FSTL5: variants seen among roughly 807,000 people sequenced by gnomAD.
FSTL5 encodes the protein follistatin like 5, also known as follistatin-related protein 5.
FSTL5 carries 62 observed loss-of-function variants against 89.1 expected under a neutral mutation model. That is an observed-to-expected ratio of 0.70 (90% CI 0.57 to 0.86). FSTL5 has a LOEUF of 0.86. Among genes scored for constraint, FSTL5 ranks in the 40% least tolerant of loss-of-function variants. FSTL5 has a pLI of 0.00. For synonymous variants in FSTL5, 383 were observed against 346.2 expected, an observed-to-expected ratio of 1.11 and a Z score of -1.18; for missense variants, 1,057 against 1,001.6, an observed-to-expected ratio of 1.06 and a Z score of -0.75.
chr4:161,841,713 C>T (rs559690429), intron 4 of FSTL5, among the ~76,000 whole-genome samples: 42 of 152,096 alleles, frequency 2.8e-4, no homozygotes, highest in Non-Finnish European at 5.4e-4. Flanking sequence ...ATTGCTGATC[C>T]TAATTCTTTA....
chr4:161,726,733 T>C (rs541570653), intron 6 of FSTL5, among the ~76,000 whole-genome samples: 1 of 152,150 alleles, frequency 6.6e-6, no homozygotes, highest in African/African-American at 2.4e-5. Flanking sequence ...AAGTACATTA[T>C]TTGAGAATAA....
chr4:162,018,095 CT>C (rs1325350955), intron 3 of FSTL5, among the ~76,000 whole-genome samples: 1 of 152,106 alleles, frequency 6.6e-6, no homozygotes, highest in Admixed American at 6.6e-5. Flanking sequence ...CCAGAATTCC[CT>C]AACAATAGCC....
chr4:161,922,853 A>T (rs1021710192), intron 3 of FSTL5, among the ~76,000 whole-genome samples: 3 of 151,930 alleles, frequency 2.0e-5, no homozygotes, highest in African/African-American at 7.2e-5. Flanking sequence ...TTGATATGGT[A>T]CTGGGCAAGT....
intron 4 of FSTL5, among the ~76,000 whole-genome samples, chr4:161,887,392 C>CATCTATCTATCTATCTATCT (rs60103951): frequency 0.013 from 1,716 of 133,114 alleles, 33 homozygotes; most frequent in African/African-American, 0.036. Flanking sequence ...CTCTATCTAT[C>CATCTATCTATCTATCTATCT]ATCTATCTAT....
chr4:161,794,704 C>G (rs1437598999), intron 4 of FSTL5, among the ~76,000 whole-genome samples: 1 of 152,064 alleles, frequency 6.6e-6, no homozygotes, highest in Admixed American at 6.5e-5. Context: ...AGAATGTGTG[C>G]TCCCCTTCTT....
At chr4:161,745,948 T>G (rs1401592402) in intron 6 of FSTL5, among the ~76,000 whole-genome samples, 1 of 152,202 alleles carries the variant, frequency 6.6e-6, no homozygotes, top group East Asian at 1.9e-4. Context: ...TCTAAGTTTT[T>G]CATCAGTAAA....
rs185153853 is a variant in FSTL5 at position 161,509,249 on chromosome 4, G to A, written c.1339+1149C>T. ...ACCCGAGAGGTGGAGGTTGCAGTGC[G>A]CCGAGATCGCGCCGTTGAACTCCAG... On this transcript the variant is annotated intron_variant, in intron 11 of 15. Transcript: ENST00000306100. 7.2e-5 allele frequency among the ~76,000 whole-genome samples: 11 copies of A among 152,254 alleles called. No individual in the cohort carries two copies. In the East Asian group the frequency reaches 1.4e-3, roughly 19 times the overall value.
At chr4:161,912,809 C>A (rs542283257) in intron 4 of FSTL5, among the ~76,000 whole-genome samples, 2 of 152,080 alleles carry the variant, frequency 1.3e-5, no homozygotes, top group South Asian at 2.1e-4. Context: ...AAACTCCTAG[C>A]GACTTCTTGA....
intron 6 of FSTL5, among the ~76,000 whole-genome samples, chr4:161,716,810 A>C (rs1739002217): frequency 6.6e-6 from 1 of 152,146 alleles, no homozygotes; most frequent in Non-Finnish European, 1.5e-5. Flanking sequence ...ACAGTGACTA[A>C]GGTATAATAT....
intron 8 of FSTL5, among the ~76,000 whole-genome samples, chr4:161,573,589 C>A (rs1418215427): frequency 6.6e-6 from 1 of 150,828 alleles, no homozygotes; most frequent in East Asian, 2.0e-4. Flanking sequence ...CAAAATCAGC[C>A]AGGCATGGTG....
rs369723092 is a variant in FSTL5, at chr4:161,538,254, A to G, written c.1224T>C (p.Thr408=). 39 of 1,613,912 alleles carry G rather than the reference A, an allele frequency of 2.4e-5. No individual in the cohort carries two copies. The African/African-American group carries it at 4.8e-4, about 20-fold the overall frequency. The change falls in exon 10 of 16, where the codon ACT becomes ACC. Residue 408 remains threonine (T), a synonymous_variant. Coordinates refer to ENST00000306100, the MANE Select transcript of FSTL5 (RefSeq NM_020116.5). ...TCTTTGCGATACAAGTGTATGCTCCAGTATCTTCATAGCGCACATTGCTTA... is the reference window on the plus strand; with the variant it reads ...TCTTTGCGATACAAGTGTATGCTCCGGTATCTTCATAGCGCACATTGCTTA... ...VHISNVRYED[T]GAYTCIAKNE... is the part of the protein sequence containing the mutation.
chr4:162,111,370 C>T lies in FSTL5; in HGVS notation c.27G>A (p.Leu9=), dbSNP rs1245416565. The change falls in exon 2 of 16, where the codon TTG becomes TTA. Residue 9 remains leucine, a synonymous_variant. Coordinates refer to ENST00000306100, the MANE Select transcript of FSTL5 (RefSeq NM_020116.5). The part of the protein sequence containing the change: MFKCWSVV[L]VLGFIFLESE... Reference sequence around the variant, plus strand: ...ACTCCAGAAAAATGAATCCGAGAACCAAGACAACTGACCAGCACTTAAACA... The same window carrying T: ...ACTCCAGAAAAATGAATCCGAGAACTAAGACAACTGACCAGCACTTAAACA... The T allele has an allele frequency of 6.2e-7, 1 of 1,612,242 alleles. No homozygotes were observed. The highest frequency in any genetic ancestry group is 1.7e-5 in the Admixed American group (1 of 59,928).
intron 6 of FSTL5, among the ~76,000 whole-genome samples, chr4:161,729,522 T>C (rs1401587173): frequency 3.3e-5 from 5 of 152,190 alleles, no homozygotes; most frequent in Non-Finnish European, 7.3e-5. Flanking sequence ...AGATGGTAAT[T>C]ACCACTTCAT....
chr4:161,682,997 G>A (rs563206569), intron 6 of FSTL5, among the ~76,000 whole-genome samples: 26 of 152,086 alleles, frequency 1.7e-4, no homozygotes, highest in African/African-American at 6.0e-4. Context: ...CACCCACCTC[G>A]GCCTCCCAAT....
At chr4:162,073,568 T>C (rs528681615) in intron 2 of FSTL5, among the ~76,000 whole-genome samples, 1 of 151,910 alleles carries the variant, frequency 6.6e-6, no homozygotes, top group Admixed American at 6.6e-5. Flanking sequence ...TAAGCAGCTA[T>C]ATTTTGAAAA....
chr4:162,011,121 A>T (rs1006200902), intron 3 of FSTL5, among the ~76,000 whole-genome samples: 2 of 152,098 alleles, frequency 1.3e-5, no homozygotes, highest in Non-Finnish European at 2.9e-5. Context: ...TTGTTAGGAG[A>T]AGTGTACATG....
At chr4:161,865,316 A>T (rs1443152314) in intron 4 of FSTL5, among the ~76,000 whole-genome samples, 1 of 152,242 alleles carries the variant, frequency 6.6e-6, no homozygotes, top group Non-Finnish European at 1.5e-5. Context: ...AAGTCCACAT[A>T]TCCCTTATGC....
intron 4 of FSTL5, among the ~76,000 whole-genome samples, chr4:161,799,097 T>A (rs1454416125): frequency 6.6e-6 from 1 of 151,788 alleles, no homozygotes; most frequent in African/African-American, 2.4e-5. Flanking sequence ...CTGTAATACA[T>A]ACTAGTAGTG....
intron 7 of FSTL5, among the ~76,000 whole-genome samples, chr4:161,651,544 GAAGAAAGGGA>G (rs1247404179): frequency 6.6e-6 from 1 of 152,064 alleles, no homozygotes; most frequent in African/African-American, 2.4e-5. Flanking sequence ...GAAGGGAGGG[GAAGAAAGGGA>G]AAGAAAGAGA....
Sources: allele counts gnomAD v4.1 joint callset (sites outside exome capture counted in the v4.1 genomes callset), GRCh38; gene constraint gnomAD v4.1.1; transcripts MANE v1.5; gene names NCBI Gene and HGNC (gene_info 2026-07-23, HGNC 2026-07-21).